Variants in WDR55 observed in about 807,000 individuals in gnomAD.
WDR55 encodes WD repeat domain 55.
In WDR55, 31 loss-of-function variants were observed where a neutral mutation model predicts 34.0. The ratio of observed to expected loss-of-function variants is 0.91; its 90% CI spans 0.69 to 1.23. The LOEUF (loss-of-function observed/expected upper bound fraction) is 1.23. Among genes scored for constraint, WDR55 ranks in the 50% most tolerant of loss-of-function variants. WDR55 has a pLI of 0.00. For synonymous variants in WDR55, 164 were observed against 185.9 expected, an observed-to-expected ratio of 0.88 and a Z score of 0.96; for missense variants, 440 against 494.6, an observed-to-expected ratio of 0.89 and a Z score of 1.05.
intron 1 of WDR55, among the ~76,000 whole-genome samples, chr5:140,666,109 G>A (rs529620625): frequency 5.2e-4 from 79 of 151,640 alleles, no homozygotes; most frequent in Middle Eastern, 7.0e-3. Context: ...TTAAAAATAC[G>A]TCTTGGGCCG....
rs774507533 is a variant in WDR55 at position 140,665,090 on chromosome 5, G to A, written c.178G>A (p.Gly60Arg). The A allele has an allele frequency of 1.1e-5, 18 of 1,599,600 alleles. No individual in the cohort carries two copies. Among genetic ancestry groups the A allele is most frequent in the East Asian group, 2.2e-5 (1 of 44,674 alleles). ...RDLLAAGDVD[G>R]DVFVFSYSCQ... ...CCTACTGGCTGCAGGGGACGTGGAC[G>A]GGGACGTGTTCGTGTGAGAGCGGGG... is the stretch of plus-strand genomic sequence containing the variant. The change falls in exon 1 of 7, where the codon GGG (glycine) becomes AGG (arginine). Residue 60 changes from glycine (G) to arginine (R), a missense_variant. Physicochemically the swap from Gly to Arg is moderately radical, Grantham distance 125 (BLOSUM62 -2). Transcript: ENST00000358337.
chr5:140,668,784 A>G lies in WDR55; in HGVS notation c.553A>G (p.Thr185Ala), dbSNP rs779437667. ...ALDPAKKLLLTASGDGCLGIF... is the reference protein window; with the variant it reads ...ALDPAKKLLLAASGDGCLGIF... ...GGATCCAGCCAAAAAGCTGCTGCTG[A>G]CAGCCAGGTACAACTTCAAAGCTGC... The change falls in exon 4 of 7, where the codon ACA becomes GCA. Residue 185 changes from threonine to alanine, a missense_variant. Transcript: ENST00000358337. 1.9e-6 allele frequency: 3 copies of G among 1,613,638 alleles called. No homozygotes were observed. Among genetic ancestry groups the G allele is most frequent in the African/African-American group, 2.7e-5 (2 of 74,930 alleles).
At chr5:140,669,055 A>G (rs1243211193) in intron 5 of WDR55, 24 bp from the exon 6 acceptor site, 10 of 1,613,812 alleles carry the variant, frequency 6.2e-6, no homozygotes, top group Non-Finnish European at 8.5e-6. Context: ...CAGCTTCCAC[A>G]TTGTTTTCTC....
Position 140,671,954 on chromosome 5 carries a change from C to G in WDR55, c.*2300C>G. ...AACACACTGCTACCTTACAAGTTTC[C>G]TTGGAGAAGTACTGGTTAATTGCAG... is the stretch of plus-strand genomic sequence containing the variant. On this transcript the variant is annotated 3_prime_UTR_variant, in exon 7 of 7. Coordinates refer to ENST00000358337, the MANE Select transcript of WDR55 (RefSeq NM_017706.5). 1.6e-6 allele frequency: 1 copy of G among 634,136 alleles called. No individual in the cohort carries two copies. The highest frequency in any genetic ancestry group is 2.8e-6 in the Non-Finnish European group (1 of 362,698). 39.3% of individuals were successfully genotyped at this position (634,136 alleles called of 1,614,324 possible).
At chr5:140,667,310 T>A in intron 1 of WDR55, 3 of 265,760 alleles carry the variant, frequency 1.1e-5, no homozygotes, top group Non-Finnish European at 1.7e-5. Flanking sequence ...TTCCGAGGAT[T>A]AAATTCAAAC....
rs1581492953 is a variant in WDR55 at position 140,669,843 on chromosome 5, C to T, written c.*189C>T. On this transcript the variant is annotated 3_prime_UTR_variant, in exon 7 of 7. Transcript: ENST00000358337. ...CCCCAGGCTCAGATTGTCCTTCCAC[C>T]TTAGCCTCTGGAGCAGCTGGGACTA... 1 of 631,062 alleles carries T rather than the reference C, an allele frequency of 1.6e-6. No individual in the cohort carries two copies. The allele number at this position is 631,062 out of a possible 1,614,324, so 39.1% of individuals were successfully genotyped here. A position where few individuals can be genotyped will look rare whatever the true frequency, so the allele number is the denominator to read the frequency against.
At chr5:140,666,648 T>C (rs1757932291) in intron 1 of WDR55, 7 of 984,832 alleles carry the variant, frequency 7.1e-6, no homozygotes, top group East Asian at 1.1e-4. Flanking sequence ...CCTTCACTAA[T>C]GTTTTTCAAA....
rs1315364785 is a variant in WDR55, at chr5:140,671,193, C to G, written c.*1539C>G. The G allele has an allele frequency of 6.7e-6, 10 of 1,499,728 alleles. No individual in the cohort carries two copies. The highest frequency in any genetic ancestry group is 5.6e-5 in the African/African-American group (4 of 71,818). The allele number at this position is 1,499,728 out of a possible 1,614,324, so 92.9% of individuals were successfully genotyped here. A position where few individuals can be genotyped will look rare whatever the true frequency, so the allele number is the denominator to read the frequency against. On this transcript the variant is annotated 3_prime_UTR_variant, in exon 7 of 7. Transcript: ENST00000358337. ...ATGGGCCTGGGCCCATGCCCCTCCC[C>G]ACCTTTGGGGGTCAGAAAGTGGCCA...
Position 140,668,928 on chromosome 5 carries a change from CG to C in WDR55, c.599del (p.Arg200LeufsTer14), listed in dbSNP as rs754549273. The C allele has an allele frequency of 6.2e-7, 1 of 1,614,212 alleles. No individual in the cohort carries two copies. The highest frequency in any genetic ancestry group is 8.5e-7 in the Non-Finnish European group (1 of 1,180,044). ...GCLGIFNIKR[R>X]RFELLSEPQS... The stretch of plus-strand genomic sequence containing the variant: ...CCTTGGCATCTTCAACATTAAGAGG[CG>C]TCGGTTTGAGCTGCTCTCAGAACCT... On this transcript the variant is annotated frameshift_variant, in exon 5 of 7. Coordinates refer to ENST00000358337, the MANE Select transcript of WDR55 (RefSeq NM_017706.5). LOFTEE classifies it high-confidence loss of function.
chr5:140,664,934 A>G lies in WDR55; in HGVS notation c.22A>G (p.Arg8Gly). Reference protein sequence around the residue: MDRTCEERPAEDGSDEED... With the variant: MDRTCEEGPAEDGSDEED... ...CAGCATGGACCGCACTTGTGAGGAG[A>G]GGCCCGCTGAGGATGGGAGCGACGA... is the stretch of plus-strand genomic sequence containing the variant. Residue 8 changes from arginine (R) to glycine (G), a missense_variant, in exon 1 of 7, where the codon AGG becomes GGG. Arg to Gly is a moderately radical substitution (Grantham distance 125). Transcript: ENST00000358337. 1 of 1,608,178 alleles carries G rather than the reference A, an allele frequency of 6.2e-7. No homozygotes were observed.
In WDR55 at chr5:140,671,202, G is replaced by A. The variant is rs1409176076; in HGVS notation, c.*1548G>A. The A allele has an allele frequency of 3.2e-6, 5 of 1,540,324 alleles. No homozygotes were observed. Among genetic ancestry groups the A allele is most frequent in the Non-Finnish European group, 4.5e-6 (5 of 1,117,350 alleles). ...GGCCCATGCCCCTCCCCACCTTTGG[G>A]GGTCAGAAAGTGGCCACCCAGGCCT... is the stretch of plus-strand genomic sequence containing the variant. On this transcript the variant is annotated 3_prime_UTR_variant, in exon 7 of 7. Coordinates refer to ENST00000358337, the MANE Select transcript of WDR55 (RefSeq NM_017706.5).
Position 140,671,736 on chromosome 5 carries a change from A to T in WDR55, c.*2082A>T. ...CACTCCACAGCCACCTGCTCTCCAC[A>T]GAGGTGTGACTGCCCTGTAGGAAAA... On this transcript the variant is annotated 3_prime_UTR_variant, in exon 7 of 7. Coordinates refer to ENST00000358337, the MANE Select transcript of WDR55 (RefSeq NM_017706.5). 6.3e-7 allele frequency: 1 copy of T among 1,575,140 alleles called. No individual in the cohort carries two copies. The highest frequency in any genetic ancestry group is 1.2e-5 in the South Asian group (1 of 85,930).
chr5:140,668,215 C>T lies in WDR55; in HGVS notation c.192-19C>T. On this transcript the variant is annotated intron_variant, in intron 1 of 6. Coordinates refer to ENST00000358337, the MANE Select transcript of WDR55 (RefSeq NM_017706.5). ...CAGGCTGGGTCTGGAGTCATTTACCCTCCTTGCCCTCTCCCCAGCTTTTCC... is the reference window on the plus strand; with the variant it reads ...CAGGCTGGGTCTGGAGTCATTTACCTTCCTTGCCCTCTCCCCAGCTTTTCC... 6.3e-7 allele frequency: 1 copy of T among 1,577,964 alleles called. No homozygotes were observed.
rs188968729 is a variant in WDR55 at position 140,668,669 on chromosome 5, C to G, written c.438C>G (p.Asp146Glu). 7 of 1,614,184 alleles carry G rather than the reference C, an allele frequency of 4.3e-6. No individual in the cohort carries two copies. The East Asian group carries it at 8.9e-5, about 21-fold the overall frequency. Residue 146 changes from aspartate (D) to glutamate (E), a missense_variant, in exon 4 of 7, where the codon GAC (aspartate) becomes GAG (glutamate). Asp to Glu is a conservative substitution (Grantham distance 45, BLOSUM62 2). Transcript: ENST00000358337. ...AGAATGTTCTGGCCACTGGGGATGA[C>G]ACAGGTGGTATCTGTCTCTGGGACC... ...VDENVLATGD[D>E]TGGICLWDQR...
At chr5:140,665,166 A>G (rs1367566487) in intron 1 of WDR55, 63 bp downstream of exon 1, 6 of 1,462,334 alleles carry the variant, frequency 4.1e-6, no homozygotes, top group Non-Finnish European at 5.5e-6. Flanking sequence ...ACCTGGGAAC[A>G]GGAGAGATGA....
Position 140,669,337 on chromosome 5 carries a change from G to A in WDR55, c.835G>A (p.Val279Met), listed in dbSNP as rs769229343. The change falls in exon 7 of 7, where the codon GTG (valine) becomes ATG (methionine). Residue 279 changes from valine to methionine, a missense_variant. Physicochemically the swap from Val to Met is conservative, Grantham distance 21 (BLOSUM62 1). Transcript: ENST00000358337. ...CACTGTTCTTTCCCTGCCCAGGGCT[G>A]TGAACATCCTACCGAACCGAGTGGT... The part of the protein sequence containing the change: ...TGSTDGVIRA[V>M]NILPNRVVGS... 2.5e-6 allele frequency: 4 copies of A among 1,610,656 alleles called. No homozygotes were observed. The highest frequency in any genetic ancestry group is 1.1e-5 in the South Asian group (1 of 90,988).
rs1358314358 is a variant in WDR55, at chr5:140,670,202, G to T, written c.*548G>T. The T allele has an allele frequency of 2.6e-5, 4 of 151,700 alleles. No homozygotes were observed. Among genetic ancestry groups the T allele is most frequent in the African/African-American group, 5.0e-5 (2 of 40,248 alleles). The allele number at this position is 151,700 out of a possible 1,614,324, so 9.4% of individuals were successfully genotyped here. ...GCCACCATGCTTGACTAATTTTTGT[G>T]ATTTTTTTTTGGTAGAGACCAGGGG... On this transcript the variant is annotated 3_prime_UTR_variant, in exon 7 of 7. Transcript: ENST00000358337.
At position 140,670,027 on chromosome 5, in the gene WDR55, C is replaced by T. The variant is rs1758033640; in HGVS notation, c.*373C>T. Reference sequence around the variant, plus strand: ...TACAGGCACGAGCCACCACACCTGGCCAAAAAAATTTATATTTTTTGAGAC... The same window carrying T: ...TACAGGCACGAGCCACCACACCTGGTCAAAAAAATTTATATTTTTTGAGAC... On this transcript the variant is annotated 3_prime_UTR_variant, in exon 7 of 7. Coordinates refer to ENST00000358337, the MANE Select transcript of WDR55 (RefSeq NM_017706.5). 5.3e-6 allele frequency: 1 copy of T among 190,456 alleles called. No homozygotes were observed. Among genetic ancestry groups the T allele is most frequent in the African/African-American group, 2.4e-5 (1 of 41,736 alleles). The allele number at this position is 190,456 out of a possible 1,614,324, so 11.8% of individuals were successfully genotyped here. A position where few individuals can be genotyped will look rare whatever the true frequency, so the allele number is the denominator to read the frequency against.
At chr5:140,666,696 A>C (rs1330237258) in intron 1 of WDR55, 1 of 984,848 alleles carries the variant, frequency 1.0e-6, no homozygotes, top group Admixed American at 6.1e-5. Flanking sequence ...TACCTTTTAC[A>C]TTATATATGA....
Sources: allele counts gnomAD v4.1 joint callset (sites outside exome capture counted in the v4.1 genomes callset), GRCh38; gene constraint gnomAD v4.1.1; transcripts MANE v1.5; gene names NCBI Gene and HGNC (gene_info 2026-07-23, HGNC 2026-07-21).